The following DPP10 variants were observed in gnomAD, a reference collection of about 807,000 sequenced individuals.
The protein encoded by DPP10 is dipeptidyl peptidase like 10.
In DPP10, 33 loss-of-function variants were observed where a neutral mutation model predicts 120.9. The observed-to-expected ratio is 0.27, with a 90% CI of 0.21 to 0.37. The LOEUF (loss-of-function observed/expected upper bound fraction) is 0.37, where lower values mean the gene tolerates loss of function less well. Among genes scored for constraint, DPP10 ranks in the 10% least tolerant of loss-of-function variants. The probability of loss-of-function intolerance (pLI) is 1.00; values close to 1 mark genes in which losing one functional copy is unlikely to be tolerated. For synonymous variants in DPP10, 337 were observed against 326.1 expected (o/e 1.03, Z -0.36); for missense variants, 816 against 942.8 (o/e 0.87, Z 1.76).
chr2:114,606,941 G>C (rs74856828), intron 1 of DPP10, among the ~76,000 whole-genome samples: 4 of 152,062 alleles, frequency 2.6e-5, no homozygotes, highest in African/African-American at 9.7e-5. Flanking sequence ...CTATTTCCCC[G>C]CCTGGGATAT....
chr2:115,502,690 T>G (rs35620911), intron 4 of DPP10, among the ~76,000 whole-genome samples: 32,226 of 151,936 alleles, frequency 0.21, 3,925 homozygotes, highest in East Asian at 0.39. Flanking sequence ...TTTAAAAATA[T>G]GTATCTTTTT....
chr2:115,711,184 C>T (rs940398490), intron 7 of DPP10, among the ~76,000 whole-genome samples: 2 of 151,958 alleles, frequency 1.3e-5, no homozygotes, highest in African/African-American at 2.4e-5. Context: ...ATAGTGGATT[C>T]GCTGTCTTAG....
intron 1 of DPP10, among the ~76,000 whole-genome samples, chr2:115,114,291 A>C (rs2049385373): frequency 6.6e-6 from 1 of 152,146 alleles, no homozygotes; most frequent in Non-Finnish European, 1.5e-5. Context: ...CAAAACATTA[A>C]ATTTGGAGAT....
At chr2:114,584,000 G>T (rs1461063000) in intron 1 of DPP10, among the ~76,000 whole-genome samples, 1 of 151,980 alleles carries the variant, frequency 6.6e-6, no homozygotes, top group Non-Finnish European at 1.5e-5. Context: ...AAGACTTTAA[G>T]GTATTTACCT....
chr2:114,784,243 T>C (rs1202372567), intron 1 of DPP10, among the ~76,000 whole-genome samples: 1 of 152,094 alleles, frequency 6.6e-6, no homozygotes, highest in African/African-American at 2.4e-5. Context: ...CAGCTATCAC[T>C]CACTTTATAG....
At chr2:115,022,373 C>A (rs1004354770) in intron 1 of DPP10, among the ~76,000 whole-genome samples, 1 of 152,028 alleles carries the variant, frequency 6.6e-6, no homozygotes, top group Admixed American at 6.6e-5. Flanking sequence ...CAACAGCAAC[C>A]AAGCTAGGAA....
At chr2:115,684,659 G>T (rs2090873740) in intron 5 of DPP10, among the ~76,000 whole-genome samples, 1 of 151,784 alleles carries the variant, frequency 6.6e-6, no homozygotes, top group Non-Finnish European at 1.5e-5. Context: ...TGTATCCAGA[G>T]ATACAAGCCT....
chr2:115,559,356 G>A lies in DPP10; in HGVS notation c.441+33384G>A, dbSNP rs531627780. ...AAAGTTAGTAGAACACTTTTAAAGT[G>A]GCTTTTAATGTCAATATCCCTGTAA... On this transcript the variant is annotated intron_variant, in intron 5 of 25. Coordinates refer to ENST00000410059, the MANE Select transcript of DPP10 (RefSeq NM_020868.6). Among the ~76,000 whole-genome samples, 6 of 152,184 alleles carry A rather than the reference G, an allele frequency of 3.9e-5. No individual in the cohort carries two copies. In the South Asian group the frequency reaches 1.0e-3, roughly 26 times the overall value.
chr2:114,655,580 A>G (rs1696908200), intron 1 of DPP10, among the ~76,000 whole-genome samples: 1 of 152,178 alleles, frequency 6.6e-6, no homozygotes, highest in African/African-American at 2.4e-5. Context: ...GGAAGTAAAT[A>G]GTGACAGGTG....
intron 1 of DPP10, among the ~76,000 whole-genome samples, chr2:114,688,306 A>G (rs1286726761): frequency 6.6e-6 from 1 of 151,982 alleles, no homozygotes; most frequent in African/African-American, 2.4e-5. Context: ...AAACATTTGA[A>G]AAAATCTATA....
At chr2:115,224,488 C>T (rs2057336596) in intron 1 of DPP10, among the ~76,000 whole-genome samples, 1 of 151,994 alleles carries the variant, frequency 6.6e-6, no homozygotes, top group Non-Finnish European at 1.5e-5. Flanking sequence ...TTCACAGAAG[C>T]AGTGAGTAGA....
At chr2:115,719,104 C>T (rs1559070533) in intron 7 of DPP10, among the ~76,000 whole-genome samples, 1 of 152,080 alleles carries the variant, frequency 6.6e-6, no homozygotes, top group Non-Finnish European at 1.5e-5. Context: ...TATGAACTGA[C>T]ATAGCCAAGA....
chr2:115,219,569 G>A (rs1239973941), intron 1 of DPP10, among the ~76,000 whole-genome samples: 6 of 152,210 alleles, frequency 3.9e-5, no homozygotes, highest in Middle Eastern at 6.8e-3. Flanking sequence ...AATAAAAGGT[G>A]CTGTACTTAT....
intron 1 of DPP10, among the ~76,000 whole-genome samples, chr2:114,636,526 A>G (rs2105403579): frequency 6.6e-6 from 1 of 152,074 alleles, no homozygotes; most frequent in South Asian, 2.1e-4. Flanking sequence ...TCCTAGAATT[A>G]TTAGGAAAAC....
chr2:115,254,493 G>C (rs928919930), intron 1 of DPP10, among the ~76,000 whole-genome samples: 7 of 152,162 alleles, frequency 4.6e-5, no homozygotes, highest in Admixed American at 3.3e-4. Context: ...TCATGTGCTT[G>C]CAATTTAAAA....
Position 115,387,297 on chromosome 2 carries a change from G to A in DPP10, c.271+43385G>A, listed in dbSNP as rs977644014. 1.7e-4 allele frequency among the ~76,000 whole-genome samples: 26 copies of A among 152,150 alleles called. 1 individual carries two copies. Among genetic ancestry groups the A allele is most frequent in the Admixed American group, 1.5e-3 (23 of 15,272 alleles). ...TTCTCCCTCTGTTTCAGAGCTTTTA[G>A]CTTCAAACAACATGTTAACATCTGG... On this transcript the variant is annotated intron_variant, in intron 3 of 25. Transcript: ENST00000410059.
chr2:115,601,973 G>A (rs1048631620), intron 5 of DPP10, among the ~76,000 whole-genome samples: 3 of 151,940 alleles, frequency 2.0e-5, no homozygotes, highest in South Asian at 2.1e-4. Context: ...GAGCCACCGC[G>A]CCCGGCCAAT....
chr2:115,121,827 A>C (rs1173718904), intron 1 of DPP10, among the ~76,000 whole-genome samples: 1 of 152,140 alleles, frequency 6.6e-6, no homozygotes, highest in Non-Finnish European at 1.5e-5. Context: ...GAGGAGGCTA[A>C]TTTGAGTATT....
At chr2:115,381,163 C>T (rs996644148) in intron 3 of DPP10, among the ~76,000 whole-genome samples, 1 of 152,138 alleles carries the variant, frequency 6.6e-6, no homozygotes, top group Non-Finnish European at 1.5e-5. Flanking sequence ...AACTTGGTTC[C>T]ATTCTCCCCG....
Sources: allele counts gnomAD v4.1 joint callset (sites outside exome capture counted in the v4.1 genomes callset), GRCh38; gene constraint gnomAD v4.1.1; transcripts MANE v1.5; gene names NCBI Gene and HGNC (gene_info 2026-07-23, HGNC 2026-07-21).